LUZP2: variants seen among roughly 807,000 people sequenced by gnomAD.
LUZP2 encodes the protein leucine zipper protein 2.
Under a neutral mutation model 51.6 loss-of-function variants are expected in LUZP2, and 52 were observed. The observed-to-expected ratio is 1.01, with a 90% CI of 0.81 to 1.27. LUZP2 has a LOEUF of 1.27. Ranked by LOEUF, LUZP2 falls within the 50% of genes most tolerant of loss-of-function variation. The probability of loss-of-function intolerance (pLI) is 0.00; values close to 1 mark genes in which losing one functional copy is unlikely to be tolerated. For synonymous variants in LUZP2, 154 were observed against 137.3 expected, an observed-to-expected ratio of 1.12 and a Z score of -0.85; for missense variants, 436 against 395.4, an observed-to-expected ratio of 1.10 and a Z score of -0.87.
intron 10 of LUZP2, among the ~76,000 whole-genome samples, chr11:25,070,052 G>A (rs1158482736): frequency 6.6e-6 from 1 of 151,908 alleles, no homozygotes; most frequent in Non-Finnish European, 1.5e-5. Flanking sequence ...CCAAATGGGA[G>A]TCTACTCATT....
chr11:24,982,129 C>G (rs1178948375), intron 8 of LUZP2, among the ~76,000 whole-genome samples: 1 of 151,716 alleles, frequency 6.6e-6, no homozygotes, highest in Admixed American at 6.6e-5. Context: ...TGTGAGGTTG[C>G]AGAGAAAAGG....
At chr11:24,743,011 A>G (rs1253080721) in intron 4 of LUZP2, among the ~76,000 whole-genome samples, 3 of 151,920 alleles carry the variant, frequency 2.0e-5, no homozygotes, top group Non-Finnish European at 4.4e-5. Context: ...GTTAAGTATT[A>G]GGGTTTATTT....
At chr11:24,914,315 C>G (rs540600803) in intron 6 of LUZP2, among the ~76,000 whole-genome samples, 161 bp from the exon 7 acceptor site, 1 of 152,254 alleles carries the variant, frequency 6.6e-6, no homozygotes, top group African/African-American at 2.4e-5. Flanking sequence ...AGAGGTCTGA[C>G]TCTCAAAGCA....
chr11:24,616,445 T>C (rs941997974), intron 1 of LUZP2, among the ~76,000 whole-genome samples: 1 of 143,154 alleles, frequency 7.0e-6, no homozygotes, highest in Non-Finnish European at 1.5e-5. Flanking sequence ...TGTTTGGTGG[T>C]ATTGTGTGTG....
At chr11:25,059,760 G>A (rs558667995) in intron 10 of LUZP2, among the ~76,000 whole-genome samples, 1 of 152,252 alleles carries the variant, frequency 6.6e-6, no homozygotes, top group South Asian at 2.1e-4. Context: ...ACAAAGAACT[G>A]AGGGGAAAAA....
intron 1 of LUZP2, among the ~76,000 whole-genome samples, chr11:24,522,565 T>A (rs16912679): frequency 0.09 from 13,658 of 152,104 alleles, 613 homozygotes; most frequent in East Asian, 0.1. Flanking sequence ...TAGCTCATTG[T>A]CAAAAGCTCA....
intron 5 of LUZP2, among the ~76,000 whole-genome samples, chr11:24,865,264 C>T (rs1293739159): frequency 1.3e-5 from 2 of 152,186 alleles, no homozygotes; most frequent in Non-Finnish European, 2.9e-5. Context: ...TAATTCGTAG[C>T]ATTTGGAAAG....
intron 5 of LUZP2, among the ~76,000 whole-genome samples, chr11:24,820,735 G>T (rs1195655373): frequency 6.6e-6 from 1 of 152,136 alleles, no homozygotes; most frequent in Non-Finnish European, 1.5e-5. Context: ...TTGGATTTGG[G>T]TGTTACGGTG....
intron 9 of LUZP2, among the ~76,000 whole-genome samples, chr11:25,012,767 G>A (rs1408191513): frequency 6.6e-6 from 1 of 152,188 alleles, no homozygotes; most frequent in African/African-American, 2.4e-5. Flanking sequence ...TTCATATATT[G>A]TTGGTGGGAA....
chr11:24,721,884 T>C (rs1467587855), intron 1 of LUZP2, among the ~76,000 whole-genome samples: 6 of 152,174 alleles, frequency 3.9e-5, no homozygotes, highest in Non-Finnish European at 1.5e-5. Flanking sequence ...TGGGTATCTA[T>C]ATACTTTTAT....
chr11:24,978,274 A>G (rs546242512), intron 8 of LUZP2, among the ~76,000 whole-genome samples: 1 of 151,880 alleles, frequency 6.6e-6, no homozygotes. Context: ...ACTTATGCCA[A>G]TTATTACTTT....
At chr11:25,008,107 C>T (rs75217236) in intron 9 of LUZP2, among the ~76,000 whole-genome samples, 2,330 of 152,312 alleles carry the variant, frequency 0.015, 61 homozygotes, top group African/African-American at 0.054. Context: ...CTTACCTGGG[C>T]TTGGCTCAGT....
chr11:25,038,176 CA>C (rs1434473404), intron 9 of LUZP2, among the ~76,000 whole-genome samples: 2 of 152,082 alleles, frequency 1.3e-5, no homozygotes, highest in African/African-American at 4.8e-5. Context: ...TACATAATCT[CA>C]TATTTCTCAG....
intron 7 of LUZP2, among the ~76,000 whole-genome samples, chr11:24,934,871 C>T (rs1484058035): frequency 1.3e-5 from 2 of 152,188 alleles, no homozygotes; most frequent in Non-Finnish European, 2.9e-5. Flanking sequence ...TATTTGCCTT[C>T]TGAATGAGCT....
chr11:24,571,607 A>G (rs972387414), intron 1 of LUZP2, among the ~76,000 whole-genome samples: 4 of 152,082 alleles, frequency 2.6e-5, no homozygotes, highest in African/African-American at 4.8e-5. Flanking sequence ...ACTGATGTAA[A>G]TCAATAAAGA....
intron 5 of LUZP2, among the ~76,000 whole-genome samples, chr11:24,879,764 G>A (rs1376372455): frequency 6.6e-6 from 1 of 152,114 alleles, no homozygotes; most frequent in Non-Finnish European, 1.5e-5. Flanking sequence ...TTTTGATGGG[G>A]CTGGAAAGGG....
chr11:24,942,521 C>T (rs1854782841), intron 7 of LUZP2, among the ~76,000 whole-genome samples: 1 of 152,026 alleles, frequency 6.6e-6, no homozygotes, highest in Non-Finnish European at 1.5e-5. Context: ...TGGCTGTTCA[C>T]GTGTTTTTCT....
chr11:24,907,393 TGAATA>T (rs770882735), intron 6 of LUZP2, among the ~76,000 whole-genome samples: 5 of 150,942 alleles, frequency 3.3e-5, no homozygotes, highest in Non-Finnish European at 7.4e-5. Flanking sequence ...ATATATGGCA[TGAATA>T]GAAGTGTTTA....
intron 5 of LUZP2, among the ~76,000 whole-genome samples, chr11:24,874,832 G>A (rs774645364): frequency 6.6e-6 from 1 of 152,200 alleles, no homozygotes; most frequent in South Asian, 2.1e-4. Context: ...TAAGAGTTAA[G>A]ATCCAGTTCC....
Sources: gnomAD v4.1 joint callset for allele counts (sites outside exome capture counted in the v4.1 genomes callset) on GRCh38, gnomAD v4.1.1 for gene constraint, MANE v1.5 for transcripts, NCBI Gene and HGNC (gene_info 2026-07-23, HGNC 2026-07-21) for gene names.